The following SETD3 variants were observed in gnomAD, a reference collection of about 807,000 sequenced individuals.
SETD3 encodes the protein SET domain containing 3, actin N3(tau)-histidine methyltransferase.
In SETD3, 19 loss-of-function variants were observed where a neutral mutation model predicts 63.0. The observed-to-expected ratio is 0.30, with a 90% CI of 0.21 to 0.44. The LOEUF (loss-of-function observed/expected upper bound fraction) is 0.44, where lower values mean the gene tolerates loss of function less well. SETD3 is among the 20% of genes least tolerant of loss of function. The probability of loss-of-function intolerance (pLI) is 1.00; values close to 1 mark genes in which losing one functional copy is unlikely to be tolerated. For synonymous variants in SETD3, 286 were observed against 264.1 expected (o/e 1.08, Z -0.80); for missense variants, 587 against 728.5 (o/e 0.81, Z 2.24).
At chr14:99,479,840 T>C (rs997491624) in intron 1 of SETD3, among the ~76,000 whole-genome samples, 3 of 152,256 alleles carry the variant, frequency 2.0e-5, no homozygotes, top group Non-Finnish European at 4.4e-5. Flanking sequence ...CGAGTGGTCC[T>C]AACCCGCGAA....
At chr14:99,481,596 C>G (rs980212744), upstream of SETD3, 2 of 395,442 alleles carry the variant, frequency 5.1e-6, no homozygotes, top group Non-Finnish European at 4.5e-6. Flanking sequence ...CGGATTCTGC[C>G]TCCCTCCGCT....
At chr14:99,479,969 A>G (rs1328834850) in intron 1 of SETD3, among the ~76,000 whole-genome samples, 1 of 152,144 alleles carries the variant, frequency 6.6e-6, no homozygotes, top group African/African-American at 2.4e-5. Context: ...GGAAAAGACA[A>G]GAGTTGCATC....
intron 7 of SETD3, 33 bp downstream of exon 7, chr14:99,413,843 C>A (rs376511791): frequency 8.7e-6 from 14 of 1,609,206 alleles, no homozygotes; most frequent in Non-Finnish European, 1.2e-5. Flanking sequence ...AAACCACCCT[C>A]AATACACAGA....
intron 1 of SETD3, among the ~76,000 whole-genome samples, chr14:99,479,028 G>C (rs1197978145): frequency 6.6e-6 from 1 of 152,124 alleles, no homozygotes; most frequent in Non-Finnish European, 1.5e-5. Flanking sequence ...AGAAGCTTTC[G>C]CTATAACCGT....
intron 6 of SETD3, among the ~76,000 whole-genome samples, chr14:99,447,932 C>A (rs754712605): frequency 3.9e-5 from 6 of 152,218 alleles, no homozygotes; most frequent in Non-Finnish European, 5.9e-5. Context: ...GACTGACAGG[C>A]CCGCAGTCCT....
At chr14:99,472,068 C>G (rs1438566346) in intron 1 of SETD3, among the ~76,000 whole-genome samples, 2 of 152,234 alleles carry the variant, frequency 1.3e-5, no homozygotes, top group African/African-American at 4.8e-5. Flanking sequence ...TAAGTATACG[C>G]AAGCTTGATT....
chr14:99,460,612 T>C (rs766688349), intron 4 of SETD3, among the ~76,000 whole-genome samples: 17 of 151,824 alleles, frequency 1.1e-4, no homozygotes, highest in Non-Finnish European at 1.9e-4. Flanking sequence ...AGAAGAGACA[T>C]GAGTGAGGGG....
At chr14:99,419,592 G>A (rs932006953) in intron 6 of SETD3, among the ~76,000 whole-genome samples, 2 of 151,784 alleles carry the variant, frequency 1.3e-5, no homozygotes, top group African/African-American at 4.8e-5. Flanking sequence ...CGGCTAAAAC[G>A]GTGAAACCCC....
At chr14:99,451,624 A>T (rs1894469538) in intron 6 of SETD3, among the ~76,000 whole-genome samples, 1 of 152,128 alleles carries the variant, frequency 6.6e-6, no homozygotes. Context: ...CTCCTGCCTC[A>T]GCCTCCCAAG....
intron 1 of SETD3, among the ~76,000 whole-genome samples, chr14:99,470,969 A>C (rs546163649): frequency 6.6e-6 from 1 of 152,218 alleles, no homozygotes; most frequent in Non-Finnish European, 1.5e-5. Flanking sequence ...CTGTTACTTC[A>C]GCCGAAATGC....
At chr14:99,479,410 T>A (rs1219164167) in intron 1 of SETD3, among the ~76,000 whole-genome samples, 1 of 152,238 alleles carries the variant, frequency 6.6e-6, no homozygotes, top group African/African-American at 2.4e-5. Flanking sequence ...GTAGCCCGTA[T>A]AAACACAGTA....
upstream of SETD3, among the ~76,000 whole-genome samples, chr14:99,482,324 T>C (rs1896361145): frequency 6.6e-6 from 1 of 152,228 alleles, no homozygotes; most frequent in African/African-American, 2.4e-5. Context: ...CTTGCAGTTG[T>C]AGGTGCCCGC....
At chr14:99,457,063 T>C (rs1285759196) in intron 6 of SETD3, among the ~76,000 whole-genome samples, 3 of 152,140 alleles carry the variant, frequency 2.0e-5, no homozygotes, top group South Asian at 2.1e-4. Context: ...AGATATACCA[T>C]TGAGAACTAA....
Position 99,425,019 on chromosome 14 carries a change from G to C in SETD3, c.676-11085C>G, listed in dbSNP as rs1016569923. On this transcript the variant is annotated intron_variant, in intron 6 of 12. Coordinates refer to ENST00000331768, the MANE Select transcript of SETD3 (RefSeq NM_032233.3). ...GTGGGGAGGACACGGGGCTTCGGAG[G>C]GTGCCCTATAGAACAGGAGGGATGA... is the stretch of plus-strand genomic sequence containing the variant. Among the ~76,000 whole-genome samples the C allele has an allele frequency of 4.6e-5, 7 of 152,110 alleles. No homozygotes were observed. The South Asian group carries it at 1.5e-3, about 32-fold the overall frequency.
chr14:99,469,157 CTTT>C (rs1307331216), intron 1 of SETD3, among the ~76,000 whole-genome samples: 5 of 152,306 alleles, frequency 3.3e-5, no homozygotes, highest in Admixed American at 3.3e-4. Context: ...CTCAAGATTT[CTTT>C]TTTAAGCCAG....
chr14:99,413,431 T>C (rs944624868), intron 7 of SETD3, among the ~76,000 whole-genome samples: 6 of 152,122 alleles, frequency 3.9e-5, no homozygotes, highest in African/African-American at 1.2e-4. Flanking sequence ...TTAAGCCTCA[T>C]TGAAAAGCAA....
chr14:99,485,569 T>G (rs186182831), upstream of SETD3, among the ~76,000 whole-genome samples: 54 of 152,370 alleles, frequency 3.5e-4, no homozygotes, highest in African/African-American at 1.3e-3. Flanking sequence ...AGTGATTCCT[T>G]TTTGTTTTTA....
chr14:99,458,851 C>A (rs1195761431), intron 5 of SETD3, among the ~76,000 whole-genome samples: 1 of 150,428 alleles, frequency 6.6e-6, no homozygotes, highest in African/African-American at 2.4e-5. Context: ...CCTGGGAGAT[C>A]AAGGCTGTAG....
chr14:99,400,406 T>G, intron 11 of SETD3, 147 bp from the exon 12 acceptor site: 1 of 795,992 alleles, frequency 1.3e-6, no homozygotes, highest in Non-Finnish European at 2.0e-6. Flanking sequence ...AGGCCACTCC[T>G]AGACTCTCCA....
Sources: allele counts gnomAD v4.1 joint callset (sites outside exome capture counted in the v4.1 genomes callset), GRCh38; gene constraint gnomAD v4.1.1; transcripts MANE v1.5; gene names NCBI Gene and HGNC (gene_info 2026-07-23, HGNC 2026-07-21).